ACKR3: variants seen among roughly 807,000 people sequenced by gnomAD.
The protein encoded by ACKR3 is atypical chemokine receptor 3.
A neutral mutation model predicts 22.4 loss-of-function variants in ACKR3; 6 were observed. The observed-to-expected ratio is 0.27, with a 90% CI of 0.15 to 0.53. The LOEUF (loss-of-function observed/expected upper bound fraction) is 0.53. ACKR3 is among the 20% of genes least tolerant of loss of function. ACKR3 has a pLI of 0.96. For missense variants in ACKR3, 396 were observed against 475.2 expected (o/e 0.83, Z 1.55); for synonymous variants, 209 against 205.2 (o/e 1.02, Z -0.16).
the ACKR3 span, among the ~76,000 whole-genome samples, chr2:236,549,743 G>A: frequency 1.3e-5 from 2 of 152,184 alleles, no homozygotes; most frequent in Non-Finnish European, 2.9e-5. The surrounding 1 kb of genome is among the most constrained non-coding windows in gnomAD (Gnocchi z 5.3). Flanking sequence ...CCACGGACCT[G>A]CCCTCCATAG....
chr2:236,558,379 G>A, the ACKR3 span, among the ~76,000 whole-genome samples: 1 of 152,340 alleles, frequency 6.6e-6, no homozygotes, highest in African/African-American at 2.4e-5. Flanking sequence ...AACTGTCATG[G>A]TGCTGGCAGG....
chr2:236,557,032 G>A, the ACKR3 span, among the ~76,000 whole-genome samples: 2 of 152,146 alleles, frequency 1.3e-5, no homozygotes, highest in Non-Finnish European at 2.9e-5. Flanking sequence ...ATTTGTTTCA[G>A]CAACAATAAG....
the ACKR3 span, among the ~76,000 whole-genome samples, chr2:236,554,496 C>T: frequency 1.2e-4 from 19 of 152,138 alleles, no homozygotes; most frequent in Non-Finnish European, 2.1e-4. Context: ...AGTCATGACC[C>T]CTAGGGCTGA....
At chr2:236,538,825 T>G in the ACKR3 span, among the ~76,000 whole-genome samples, 1 of 152,240 alleles carries the variant, frequency 6.6e-6, no homozygotes, top group Non-Finnish European at 1.5e-5. Flanking sequence ...GCTTGGGATA[T>G]TCTTATCCTA....
At chr2:236,545,311 G>A in the ACKR3 span, among the ~76,000 whole-genome samples, 1 of 152,284 alleles carries the variant, frequency 6.6e-6, no homozygotes, top group South Asian at 2.1e-4. This position sits in a 1 kb window ranked among gnomAD's most constrained non-coding sequence, Gnocchi z 5.3. Context: ...GGTCTGAAAT[G>A]CCCCCTCTGC....
the ACKR3 span, among the ~76,000 whole-genome samples, chr2:236,549,380 C>T: frequency 2.0e-5 from 3 of 152,152 alleles, no homozygotes; most frequent in Non-Finnish European, 4.4e-5. The surrounding 1 kb of genome is among the most constrained non-coding windows in gnomAD (Gnocchi z 5.3). Context: ...CCTGTCCCTG[C>T]CAGCAGGGTA....
At chr2:236,541,327 T>A in the ACKR3 span, among the ~76,000 whole-genome samples, 2 of 152,246 alleles carry the variant, frequency 1.3e-5, no homozygotes, top group African/African-American at 2.4e-5. Flanking sequence ...CAGCCTTTTT[T>A]AAATACCAAA....
upstream of ACKR3, among the ~76,000 whole-genome samples, chr2:236,564,569 G>A (rs1164259725): frequency 6.7e-6 from 1 of 149,862 alleles, no homozygotes; most frequent in Non-Finnish European, 1.5e-5. Context: ...ACCCTTGGTT[G>A]CCCTTTTCTC....
chr2:236,575,251 C>G (rs1235973024), intron 1 of ACKR3, among the ~76,000 whole-genome samples: 1 of 152,184 alleles, frequency 6.6e-6, no homozygotes. Flanking sequence ...TCCTTTTGTT[C>G]CCTCCTCCTA....
chr2:236,542,565 A>G, the ACKR3 span, among the ~76,000 whole-genome samples: 35,719 of 151,978 alleles, frequency 0.24, 6,095 homozygotes, highest in African/African-American at 0.49. Context: ...CAACCTCATA[A>G]CCAGTCTCCA....
intron 1 of ACKR3, among the ~76,000 whole-genome samples, chr2:236,575,549 CTGTG>C (rs1334885134): frequency 2.8e-5 from 2 of 71,270 alleles, no homozygotes; most frequent in Admixed American, 1.6e-4. Context: ...TGGGGTTGTG[CTGTG>C]TGTGTGTGTG....
the ACKR3 span, among the ~76,000 whole-genome samples, chr2:236,539,006 A>C: frequency 6.6e-6 from 1 of 152,158 alleles, no homozygotes; most frequent in Admixed American, 6.5e-5. Context: ...GACTTCATGT[A>C]GCTGGAATGA....
chr2:236,552,524 T>C, the ACKR3 span, among the ~76,000 whole-genome samples: 2 of 152,210 alleles, frequency 1.3e-5, no homozygotes, highest in Non-Finnish European at 2.9e-5. Flanking sequence ...GTGGCAGTGA[T>C]TCAAAACAAC....
the ACKR3 span, among the ~76,000 whole-genome samples, chr2:236,559,727 T>C: frequency 1.3e-5 from 2 of 152,124 alleles, no homozygotes; most frequent in African/African-American, 4.8e-5. Flanking sequence ...CCCCAGAAAA[T>C]TCCCTTCCAG....
chr2:236,542,257 G>A, the ACKR3 span, among the ~76,000 whole-genome samples: 3 of 152,212 alleles, frequency 2.0e-5, no homozygotes, highest in African/African-American at 7.2e-5. Flanking sequence ...CAGCCAAGAT[G>A]GGAGTTTTTA....
chr2:236,553,501 G>A, the ACKR3 span, among the ~76,000 whole-genome samples: 3 of 152,256 alleles, frequency 2.0e-5, no homozygotes, highest in Non-Finnish European at 4.4e-5. Flanking sequence ...TCCCAGCATA[G>A]GAGAACATAG....
At chr2:236,545,012 A>G in the ACKR3 span, among the ~76,000 whole-genome samples, 1 of 152,198 alleles carries the variant, frequency 6.6e-6, no homozygotes, top group Non-Finnish European at 1.5e-5. The surrounding 1 kb of genome is among the most constrained non-coding windows in gnomAD (Gnocchi z 5.3). Context: ...GCTGGCAACC[A>G]GGGCAGAGCA....
chr2:236,579,783 G>T (rs1015797315), intron 1 of ACKR3, among the ~76,000 whole-genome samples: 41 of 152,172 alleles, frequency 2.7e-4, no homozygotes, highest in Non-Finnish European at 5.9e-5. Context: ...GGTTTGGGGC[G>T]CAGTTAAGCT....
the ACKR3 span, among the ~76,000 whole-genome samples, chr2:236,539,334 A>ATTTT: frequency 8.0e-6 from 1 of 124,318 alleles, no homozygotes; most frequent in African/African-American, 3.3e-5. Context: ...TGTTTTTTAG[A>ATTTT]CAGAGTCTCA....
Sources: allele counts gnomAD v4.1 joint callset (sites outside exome capture counted in the v4.1 genomes callset), GRCh38; gene constraint gnomAD v4.1.1; non-coding constraint Gnocchi (gnomAD v3.1); transcripts MANE v1.5; gene names NCBI Gene and HGNC (gene_info 2026-07-23, HGNC 2026-07-21).